Variants in FAM133B observed in about 807,000 individuals in gnomAD.
FAM133B encodes family with sequence similarity 133 member B.
Under a neutral mutation model 46.4 loss-of-function variants are expected in FAM133B, and 25 were observed. That is an observed-to-expected ratio of 0.54 (90% confidence interval 0.39 to 0.75). The LOEUF is 0.75. Among genes scored for constraint, FAM133B ranks in the 30% least tolerant of loss-of-function variants. The pLI is 0.00. For synonymous variants in FAM133B, 75 were observed against 86.0 expected (o/e 0.87, Z 0.71); for missense variants, 205 against 277.6 (o/e 0.74, Z 1.86).
intron 10 of FAM133B, among the ~76,000 whole-genome samples, chr7:92,565,149 C>CTTT (rs72450473): frequency 5.4e-5 from 7 of 130,464 alleles, no homozygotes; most frequent in Non-Finnish European, 8.2e-5. Flanking sequence ...GCTTATATTT[C>CTTT]TTTTTTTTTT....
chr7:92,567,278 T>C (rs1794382408), intron 9 of FAM133B, among the ~76,000 whole-genome samples: 2 of 152,220 alleles, frequency 1.3e-5, no homozygotes, highest in Admixed American at 1.3e-4. Flanking sequence ...TCGTATTACA[T>C]GTTAAGTCCA....
intron 8 of FAM133B, among the ~76,000 whole-genome samples, chr7:92,574,010 TA>T (rs1794616448): frequency 6.6e-6 from 1 of 152,140 alleles, no homozygotes; most frequent in African/African-American, 2.4e-5. Flanking sequence ...GGTTAGTTTT[TA>T]AAATTAATTA....
intron 1 of FAM133B, among the ~76,000 whole-genome samples, chr7:92,587,543 C>T (rs1306699389): frequency 6.6e-6 from 1 of 151,998 alleles, no homozygotes; most frequent in Non-Finnish European, 1.5e-5. Context: ...CCAGCCTGGG[C>T]AGCATGGTGA....
At chr7:92,579,761 A>G (rs1794808180) in intron 2 of FAM133B, among the ~76,000 whole-genome samples, 1 of 152,204 alleles carries the variant, frequency 6.6e-6, no homozygotes, top group South Asian at 2.1e-4. Flanking sequence ...AAGGTAAGAA[A>G]TCCACCTAAG....
At chr7:92,569,370 A>G (rs1794461665) in intron 9 of FAM133B, among the ~76,000 whole-genome samples, 2 of 152,128 alleles carry the variant, frequency 1.3e-5, no homozygotes, top group South Asian at 4.1e-4. Context: ...GTAATATGAT[A>G]TGTTTCCTGC....
chr7:92,565,149 C>CT (rs72450473), intron 10 of FAM133B, among the ~76,000 whole-genome samples: 1,396 of 130,444 alleles, frequency 0.011, 14 homozygotes, highest in African/African-American at 0.027. Context: ...GCTTATATTT[C>CT]TTTTTTTTTT....
chr7:92,570,424 GAGA>G (rs1236845256), intron 8 of FAM133B, among the ~76,000 whole-genome samples: 4 of 152,152 alleles, frequency 2.6e-5, no homozygotes, highest in East Asian at 3.9e-4. Flanking sequence ...AGTAACTCTG[GAGA>G]AGGAGAGGGG....
At chr7:92,583,573 G>T (rs771641805) in intron 1 of FAM133B, among the ~76,000 whole-genome samples, 1 of 152,094 alleles carries the variant, frequency 6.6e-6, no homozygotes, top group Non-Finnish European at 1.5e-5. Context: ...AACATATTGA[G>T]GCAAAACAAA....
intron 1 of FAM133B, among the ~76,000 whole-genome samples, chr7:92,589,466 C>A (rs1486512088): frequency 6.6e-6 from 1 of 152,166 alleles, no homozygotes; most frequent in African/African-American, 2.4e-5. Flanking sequence ...TAATAATTTT[C>A]ATGCCCAGTA....
At chr7:92,581,914 C>T (rs1290049494) in intron 1 of FAM133B, 2 of 234,194 alleles carry the variant, frequency 8.5e-6, no homozygotes, top group Non-Finnish European at 1.7e-5. Context: ...GCCCAGTAAC[C>T]CTGTGAGGGT....
At chr7:92,584,365 G>T (rs1337347622) in intron 1 of FAM133B, among the ~76,000 whole-genome samples, 2 of 152,156 alleles carry the variant, frequency 1.3e-5, no homozygotes, top group African/African-American at 4.8e-5. Context: ...CAAAATCTAT[G>T]AAAATGACCA....
chr7:92,582,258 AATAACATAACATAACATAAC>A (rs199980853), intron 1 of FAM133B, among the ~76,000 whole-genome samples: 6 of 147,846 alleles, frequency 4.1e-5, no homozygotes, highest in South Asian at 4.3e-4. Flanking sequence ...AAATAAAATA[AATAACATAACATAACATAAC>A]ATAACATAAC....
chr7:92,582,127 T>G (rs1340658016), intron 1 of FAM133B, among the ~76,000 whole-genome samples: 1 of 152,144 alleles, frequency 6.6e-6, no homozygotes, highest in Non-Finnish European at 1.5e-5. Context: ...CACACGCCTG[T>G]AATCCTAGCT....
chr7:92,567,569 C>T (rs1794393498), intron 9 of FAM133B, among the ~76,000 whole-genome samples: 1 of 152,090 alleles, frequency 6.6e-6, no homozygotes, highest in Non-Finnish European at 1.5e-5. Flanking sequence ...TACCGAGCAC[C>T]TAGGAAACAA....
intron 8 of FAM133B, among the ~76,000 whole-genome samples, chr7:92,575,387 C>T (rs921271981): frequency 2.0e-5 from 3 of 152,086 alleles, no homozygotes; most frequent in African/African-American, 7.2e-5. Context: ...GCAGGAAAAT[C>T]GCTTGAACCC....
intron 8 of FAM133B, among the ~76,000 whole-genome samples, chr7:92,570,191 T>C (rs1428093058): frequency 6.6e-6 from 1 of 152,150 alleles, no homozygotes; most frequent in African/African-American, 2.4e-5. Flanking sequence ...ATATGAAATA[T>C]GCAGATAATG....
In FAM133B at chr7:92,568,728, CATT is replaced by C. The variant is rs775578972; in HGVS notation, c.609+1092_609+1094del. Among the ~76,000 whole-genome samples, 23 of 152,052 alleles carry C rather than the reference CATT, an allele frequency of 1.5e-4. No individual in the cohort carries two copies. In the South Asian group the frequency reaches 4.2e-3, roughly 27 times the overall value. ...ACAATTTCATAAAATTGCACATTAT[CATT>C]ATTATTTTTTTAGAGATGGGGTCTT... On this transcript the variant is annotated intron_variant, in intron 9 of 10. Transcript: ENST00000445716.
At chr7:92,587,626 T>A (rs546951017) in intron 1 of FAM133B, among the ~76,000 whole-genome samples, 16 of 152,094 alleles carry the variant, frequency 1.1e-4, no homozygotes, top group Non-Finnish European at 2.4e-4. Flanking sequence ...CCCAGCTACT[T>A]GGGAGGCTGA....
chr7:92,579,440 T>C (rs1435356565), intron 2 of FAM133B, 45 bp from the exon 3 acceptor site: 14 of 1,366,252 alleles, frequency 1.0e-5, no homozygotes, highest in East Asian at 2.4e-5. Flanking sequence ...CAATTCAAAT[T>C]AGATAAATGC....
Sources: allele counts gnomAD v4.1 joint callset (sites outside exome capture counted in the v4.1 genomes callset), GRCh38; gene constraint gnomAD v4.1.1; transcripts MANE v1.5; gene names NCBI Gene and HGNC (gene_info 2026-07-23, HGNC 2026-07-21).